The following OR2AT4 variants were observed in gnomAD, a reference collection of about 807,000 sequenced individuals.
OR2AT4 encodes the protein olfactory receptor 2AT4.
OR2AT4 carries 6 observed loss-of-function variants against 10.3 expected under a neutral mutation model. The observed-to-expected ratio is 0.58, with a 90% CI of 0.32 to 1.15. The LOEUF is 1.15. Among genes scored for constraint, OR2AT4 ranks in the 50% most tolerant of loss-of-function variants. The probability of loss-of-function intolerance (pLI) is 0.05; values close to 1 mark genes in which losing one functional copy is unlikely to be tolerated. For synonymous variants in OR2AT4, 145 were observed against 159.1 expected (o/e 0.91, Z 0.67); for missense variants, 354 against 393.8 (o/e 0.90, Z 0.85).
intron 1 of OR2AT4, among the ~76,000 whole-genome samples, chr11:75,095,834 T>C (rs576445209): frequency 6.6e-5 from 10 of 152,212 alleles, no homozygotes; most frequent in African/African-American, 2.2e-4. Context: ...CTTGCCACCA[T>C]GTCCGGCTAA....
chr11:75,089,089 T>A (rs751454552), exon 2 of OR2AT4: 1 of 1,613,878 alleles, frequency 6.2e-7, no homozygotes, highest in African/African-American at 1.3e-5. Flanking sequence ...GACACCACCA[T>A]GGCGATGCAG....
At chr11:75,090,943 G>A (rs931547750) in intron 1 of OR2AT4, among the ~76,000 whole-genome samples, 3 of 152,138 alleles carry the variant, frequency 2.0e-5, no homozygotes, top group Admixed American at 6.5e-5. Context: ...TGGGGAATGC[G>A]GCTAACGAAT....
At chr11:75,086,196 T>C (rs529727929) in exon 2 of OR2AT4, 1 of 152,278 alleles carries the variant, frequency 6.6e-6, no homozygotes, top group Non-Finnish European at 1.5e-5. Flanking sequence ...CTCAAAATTG[T>C]TCATAGAATG....
intron 1 of OR2AT4, among the ~76,000 whole-genome samples, chr11:75,093,810 C>CTTT (rs556380402): frequency 2.3e-4 from 14 of 61,818 alleles, no homozygotes; most frequent in African/African-American, 6.2e-4. Context: ...TTTTCTTTTT[C>CTTT]TTTTTTTTTT....
intron 1 of OR2AT4, among the ~76,000 whole-genome samples, chr11:75,093,519 C>T (rs537828066): frequency 4.5e-4 from 69 of 152,278 alleles, no homozygotes; most frequent in Non-Finnish European, 8.5e-4. Flanking sequence ...CCCACAGAAC[C>T]GGAGATCTTT....
At chr11:75,092,379 C>T (rs1035237201) in intron 1 of OR2AT4, among the ~76,000 whole-genome samples, 46 of 152,196 alleles carry the variant, frequency 3.0e-4, no homozygotes, top group African/African-American at 1.1e-3. Flanking sequence ...AGGTATTCAG[C>T]TATTTTTGTT....
chr11:75,094,592 T>A (rs1044918734), intron 1 of OR2AT4, among the ~76,000 whole-genome samples: 8 of 151,794 alleles, frequency 5.3e-5, no homozygotes, highest in African/African-American at 1.9e-4. Context: ...TACAAAAAAA[T>A]TTTAAAACTA....
chr11:75,089,016 A>G (rs1280395749), exon 2 of OR2AT4: 9 of 1,614,204 alleles, frequency 5.6e-6, no homozygotes, highest in Middle Eastern at 1.6e-4. Flanking sequence ...TAGGGAACTG[A>G]TGCGAAGCAC....
At chr11:75,094,478 G>A (rs910816043) in intron 1 of OR2AT4, among the ~76,000 whole-genome samples, 2 of 152,124 alleles carry the variant, frequency 1.3e-5, no homozygotes, top group Non-Finnish European at 2.9e-5. Flanking sequence ...CAGGGCACAG[G>A]GGTTCACACC....
exon 2 of OR2AT4, chr11:75,085,387 A>G (rs1180771877): frequency 2.0e-5 from 3 of 152,116 alleles, no homozygotes; most frequent in Admixed American, 2.0e-4. Context: ...CTGAAAGAAA[A>G]TTCCAGGCCC....
chr11:75,090,793 A>G (rs1034647470), intron 1 of OR2AT4, among the ~76,000 whole-genome samples: 1 of 146,986 alleles, frequency 6.8e-6, no homozygotes, highest in African/African-American at 2.7e-5. Context: ...AAGACAAAAC[A>G]AAATCTCCCA....
exon 2 of OR2AT4, chr11:75,089,496 G>A (rs759455906): frequency 1.3e-5 from 21 of 1,614,054 alleles, no homozygotes; most frequent in Non-Finnish European, 7.6e-6. Flanking sequence ...GATGTCCAAG[G>A]TGGAGAGATT....
At chr11:75,088,433 T>C in exon 2 of OR2AT4, 1 of 191,778 alleles carries the variant, frequency 5.2e-6, no homozygotes, top group Non-Finnish European at 1.1e-5. Flanking sequence ...TTTATTTGTC[T>C]ACACATATAT....
chr11:75,083,426 T>G (rs948160953), exon 2 of OR2AT4: 7 of 152,170 alleles, frequency 4.6e-5, no homozygotes, highest in African/African-American at 1.7e-4. Context: ...GAAAATGGAA[T>G]GCTTATACAC....
chr11:75,087,179 A>G (rs1399646879), exon 2 of OR2AT4: 1 of 152,224 alleles, frequency 6.6e-6, no homozygotes, highest in Non-Finnish European at 1.5e-5. Context: ...AGTCTCTAGT[A>G]TAATTAATAG....
At chr11:75,087,761 AG>A (rs1258340144) in exon 2 of OR2AT4, 8 of 152,228 alleles carry the variant, frequency 5.3e-5, no homozygotes, top group African/African-American at 1.9e-4. Flanking sequence ...GCCAGGGTCA[AG>A]TGCTTCTGTT....
At chr11:75,089,934 TATTA>T (rs994706528) in exon 2 of OR2AT4, 3 of 513,444 alleles carry the variant, frequency 5.8e-6, no homozygotes, top group African/African-American at 3.8e-5. Context: ...AAATATTGAT[TATTA>T]ATTAATTAAT....
intron 1 of OR2AT4, among the ~76,000 whole-genome samples, chr11:75,095,802 C>G (rs1446669538): frequency 6.6e-6 from 1 of 151,816 alleles, no homozygotes; most frequent in Non-Finnish European, 1.5e-5. Context: ...CTCAACCTCC[C>G]GAGTAGCTGG....
At chr11:75,093,820 T>C (rs565153160) in intron 1 of OR2AT4, among the ~76,000 whole-genome samples, 78 of 77,080 alleles carry the variant, frequency 1.0e-3, no homozygotes, top group African/African-American at 3.2e-3. Flanking sequence ...CTTTTTTTTT[T>C]TTTTTTTTTT....
Sources: allele counts gnomAD v4.1 joint callset (sites outside exome capture counted in the v4.1 genomes callset), GRCh38; gene constraint gnomAD v4.1.1; transcripts MANE v1.5; gene names NCBI Gene and HGNC (gene_info 2026-07-23, HGNC 2026-07-21).